Variants in PIGN observed in about 807,000 individuals in gnomAD.
PIGN encodes the protein GPI ethanolamine phosphate transferase 1.
Under a neutral mutation model 125.4 loss-of-function variants are expected in PIGN, and 117 were observed. That is an observed-to-expected ratio of 0.93 (90% CI 0.80 to 1.09). PIGN has a LOEUF of 1.09. Among genes scored for constraint, PIGN ranks in the 50% least tolerant of loss-of-function variants. The probability of loss-of-function intolerance (pLI) is 0.00; values close to 1 mark genes in which losing one functional copy is unlikely to be tolerated. For missense variants in PIGN, 1,075 were observed against 1,094.9 expected (o/e 0.98, Z 0.26); for synonymous variants, 392 against 377.8 (o/e 1.04, Z -0.44).
rs1328150234 is a variant in PIGN, at chr18:62,161,154, T to G, written c.200A>C (p.Asn67Thr). ...DALYELDENGNSRAPFIRNII... is the reference protein window; with the variant it reads ...DALYELDENGTSRAPFIRNII... ...TTACCTAATAAACGGTGCTCTAGAGTTTCCATTTTCATCTAATTCGTAAAG... is the reference window on the plus strand; with the variant it reads ...TTACCTAATAAACGGTGCTCTAGAGGTTCCATTTTCATCTAATTCGTAAAG... The change falls in exon 4 of 31, where the codon AAC becomes ACC. Residue 67 changes from asparagine to threonine, a missense_variant. By Grantham distance (65) the Asn-to-Thr change is moderately conservative (BLOSUM62 0). Around this residue, in one of 3 missense-constraint regions of PIGN, gnomAD observed 152 missense variants for 162.9 expected, o/e 0.93. Transcript: ENST00000640252. 2.5e-6 allele frequency: 4 copies of G among 1,612,120 alleles called. No individual in the cohort carries two copies. Among genetic ancestry groups the G allele is most frequent in the Admixed American group, 1.7e-5 (1 of 59,998 alleles).
intron 28 of PIGN, among the ~76,000 whole-genome samples, chr18:62,080,642 C>T (rs2033405829): frequency 6.6e-6 from 1 of 152,188 alleles, no homozygotes. Flanking sequence ...AGATGAGATA[C>T]GATGGCAGAT....
intron 1 of PIGN, among the ~76,000 whole-genome samples, chr18:62,172,965 C>G (rs372173664): frequency 6.6e-6 from 1 of 152,082 alleles, no homozygotes; most frequent in African/African-American, 2.4e-5. Flanking sequence ...TGACACCATA[C>G]GAACACAAAA....
chr18:62,174,791 A>G (rs2037463127), intron 1 of PIGN, among the ~76,000 whole-genome samples: 1 of 151,774 alleles, frequency 6.6e-6, no homozygotes, highest in African/African-American at 2.4e-5. Context: ...AAAAACATAC[A>G]TAGCAACTAG....
intron 23 of PIGN, among the ~76,000 whole-genome samples, chr18:62,092,545 T>C (rs1568166132): frequency 6.6e-6 from 1 of 151,604 alleles, no homozygotes; most frequent in Non-Finnish European, 1.5e-5. Context: ...ATATTAAATA[T>C]CTATTAAAAT....
intron 23 of PIGN, among the ~76,000 whole-genome samples, chr18:62,035,690 C>T (rs2030251859): frequency 6.6e-6 from 1 of 150,908 alleles, no homozygotes; most frequent in Non-Finnish European, 1.5e-5. Flanking sequence ...CCCCACCCCA[C>T]AACAGGCCCC....
intron 1 of PIGN, among the ~76,000 whole-genome samples, chr18:62,168,722 G>A (rs766241629): frequency 1.1e-4 from 17 of 151,986 alleles, no homozygotes; most frequent in Non-Finnish European, 2.4e-4. Context: ...TAGCTTTACT[G>A]AGGCATAATT....
intron 6 of PIGN, among the ~76,000 whole-genome samples, chr18:62,155,199 T>C (rs1243828372): frequency 6.6e-6 from 1 of 152,200 alleles, no homozygotes; most frequent in Non-Finnish European, 1.5e-5. Context: ...GACAATCTCA[T>C]ATATTTGCAA....
In PIGN at chr18:62,043,652, T is replaced by C. The variant is rs1417581273; in HGVS notation, c.*2204A>G. On this transcript the variant is annotated 3_prime_UTR_variant, in exon 31 of 31. Coordinates refer to ENST00000640252, the MANE Select transcript of PIGN (RefSeq NM_176787.5). ...TGTATTCTAAATACTGTACACTAAG[T>C]ATAATAATTAACATATTGGAAAATG... 1 of 152,202 alleles carries C rather than the reference T, an allele frequency of 6.6e-6. No homozygotes were observed. Among genetic ancestry groups the C allele is most frequent in the Non-Finnish European group, 1.5e-5 (1 of 68,032 alleles). The allele number at this position is 152,202 out of a possible 1,614,324, so 9.4% of individuals were successfully genotyped here.
rs564425420 is a variant in PIGN at position 62,033,185 on chromosome 18, G to A, written c.2143-15444C>T. 2.0e-5 allele frequency among the ~76,000 whole-genome samples: 3 copies of A among 152,242 alleles called. No homozygotes were observed. In the South Asian group the frequency reaches 6.2e-4, roughly 32 times the overall value. Reference sequence around the variant, plus strand: ...GGGGCCACCTTCAGCTTCTATAGTGGGAGGCAGAGCACTGCATCCCCCCAA... The same window carrying A: ...GGGGCCACCTTCAGCTTCTATAGTGAGAGGCAGAGCACTGCATCCCCCCAA... On this transcript the variant is annotated intron_variant, in intron 23 of 24. Coordinates refer to the PIGN transcript ENST00000639600.
intron 1 of PIGN, among the ~76,000 whole-genome samples, chr18:62,167,286 ATGTGTGTGTGTGTGTGTGTGTGTGTGTG>A (rs61310777): frequency 3.8e-4 from 53 of 139,462 alleles, no homozygotes; most frequent in African/African-American, 1.4e-3. Flanking sequence ...AGAGATATAT[ATGTGTGTGTGTGTGTGTGTGTGTGTGTG>A]TGTGTGTGTG....
intron 28 of PIGN, among the ~76,000 whole-genome samples, chr18:62,080,411 A>C (rs1482334705): frequency 6.6e-6 from 1 of 152,204 alleles, no homozygotes; most frequent in Admixed American, 6.5e-5. Flanking sequence ...CACTTTTGGC[A>C]GGTTGTTTCA....
intron 4 of PIGN, among the ~76,000 whole-genome samples, chr18:62,160,139 A>G (rs949137602): frequency 3.9e-5 from 6 of 152,134 alleles, no homozygotes; most frequent in Non-Finnish European, 7.4e-5. Context: ...AAAAGAAAAC[A>G]GAGTAAAATG....
At chr18:62,094,392 C>T (rs930345361) in intron 23 of PIGN, among the ~76,000 whole-genome samples, 5 of 152,036 alleles carry the variant, frequency 3.3e-5, no homozygotes, top group Non-Finnish European at 7.4e-5. Flanking sequence ...TATTTCTGGA[C>T]GCTTTCAAAC....
At chr18:62,034,112 T>C (rs549805265) in intron 23 of PIGN, among the ~76,000 whole-genome samples, 1 of 152,310 alleles carries the variant, frequency 6.6e-6, no homozygotes, top group African/African-American at 2.4e-5. Flanking sequence ...GTTTCCCTTA[T>C]AACCTGGTAA....
intron 20 of PIGN, 51 bp from the exon 21 acceptor site, chr18:62,102,953 C>T: frequency 1.0e-6 from 1 of 999,196 alleles, no homozygotes; most frequent in Admixed American, 2.9e-5. Context: ...TTTACGAACA[C>T]ATATCAGATG....
rs574704575 is a variant in PIGN, at chr18:62,180,757, T to C, written c.-236+6087A>G. ...GTATGTTTATATAGTGTGTGTATGTTTATACATAGCTAGATATACACATTT... is the reference window on the plus strand; with the variant it reads ...GTATGTTTATATAGTGTGTGTATGTCTATACATAGCTAGATATACACATTT... On this transcript the variant is annotated intron_variant, in intron 1 of 30. Coordinates refer to ENST00000640252, the MANE Select transcript of PIGN (RefSeq NM_176787.5). 7.9e-5 allele frequency among the ~76,000 whole-genome samples: 12 copies of C among 152,304 alleles called. No homozygotes were observed. The South Asian group carries it at 1.7e-3, about 21-fold the overall frequency.
chr18:62,040,066 A>T (rs1324581020), downstream of PIGN, among the ~76,000 whole-genome samples: 3 of 104,980 alleles, frequency 2.9e-5, no homozygotes, highest in Non-Finnish European at 5.5e-5. Flanking sequence ...CCCCATGTTT[A>T]GGGCCCCATC....
intron 1 of PIGN, among the ~76,000 whole-genome samples, chr18:62,165,731 TA>T (rs2037110055): frequency 6.6e-6 from 1 of 152,132 alleles, no homozygotes; most frequent in Non-Finnish European, 1.5e-5. Context: ...CCCTTGAAAT[TA>T]AAAGAACAGT....
At chr18:62,186,571 C>A (rs1197433280) in intron 1 of PIGN, among the ~76,000 whole-genome samples, 1 of 152,216 alleles carries the variant, frequency 6.6e-6, no homozygotes, top group African/African-American at 2.4e-5. Context: ...CTCCAGCCCC[C>A]GTCCCCACCC....
Sources: allele counts gnomAD v4.1 joint callset (sites outside exome capture counted in the v4.1 genomes callset), GRCh38; gene constraint gnomAD v4.1.1; regional missense constraint gnomAD v4.1.1; transcripts MANE v1.5; gene names NCBI Gene and HGNC (gene_info 2026-07-23, HGNC 2026-07-21).